AP5Z1: variants seen among roughly 807,000 people sequenced by gnomAD.
AP5Z1 encodes the protein AP-5 complex subunit zeta-1.
Under a neutral mutation model 83.0 loss-of-function variants are expected in AP5Z1, and 106 were observed. That is an observed-to-expected ratio of 1.28 (90% confidence interval 1.09 to 1.50). The LOEUF is 1.50. Among genes scored for constraint, AP5Z1 ranks in the 40% most tolerant of loss-of-function variants. AP5Z1 has a pLI of 0.00. For synonymous variants in AP5Z1, 751 were observed against 514.1 expected, an observed-to-expected ratio of 1.46 and a Z score of -6.23; for missense variants, 1,565 against 1,094.2, an observed-to-expected ratio of 1.43 and a Z score of -6.07.
chr7:4,790,909 G>A (rs575948599), intron 16 of AP5Z1, 22 bp downstream of exon 16: 80 of 1,568,996 alleles, frequency 5.1e-5, no homozygotes, highest in Non-Finnish European at 5.9e-5. Flanking sequence ...GGGAGGGAGC[G>A]AAGCCTTCTG....
intron 14 of AP5Z1, 73 bp downstream of exon 14, chr7:4,790,002 C>A (rs117029435): frequency 1.5e-5 from 15 of 1,025,910 alleles, no homozygotes; most frequent in African/African-American, 6.3e-5. Flanking sequence ...TCCCCTCCCC[C>A]CTCCCCTTCA....
rs189470121 is a variant in AP5Z1, at chr7:4,786,857, G to A, written c.1311+429G>A. Reference sequence around the variant, plus strand: ...GCAATCTCAGCTCACTGCAACCCCCGCCTCCTGGGTTCAAGCGATTCTCCT... The same window carrying A: ...GCAATCTCAGCTCACTGCAACCCCCACCTCCTGGGTTCAAGCGATTCTCCT... On this transcript the variant is annotated intron_variant, in intron 10 of 16. Transcript: ENST00000649063. Among the ~76,000 whole-genome samples, 20 of 151,998 alleles carry A rather than the reference G, an allele frequency of 1.3e-4. No individual in the cohort carries two copies. The East Asian group carries it at 1.6e-3, about 12-fold the overall frequency.
rs1359875695 is a variant in AP5Z1 at position 4,793,158 on chromosome 7, C to T, written c.*1773C>T. 6.6e-6 allele frequency: 1 copy of T among 152,338 alleles called. No homozygotes were observed. Among genetic ancestry groups the T allele is most frequent in the African/African-American group, 2.4e-5 (1 of 41,462 alleles). 9.4% of individuals were successfully genotyped at this position (152,338 alleles called of 1,614,324 possible). On this transcript the variant is annotated 3_prime_UTR_variant, in exon 17 of 17. Coordinates refer to ENST00000649063, the MANE Select transcript of AP5Z1 (RefSeq NM_014855.3). ...AGGGACAAGGAGGAGCTCATGGCCA[C>T]AGGGCCTCGGAGGGCATGACCCCAG...
chr7:4,788,307 AGGGCCAGG>A lies in AP5Z1; in HGVS notation c.1595+20_1595+27del, dbSNP rs1470203569. On this transcript the variant is annotated intron_variant, in intron 12 of 16. Coordinates refer to ENST00000649063, the MANE Select transcript of AP5Z1 (RefSeq NM_014855.3). Reference sequence around the variant, plus strand: ...GCGCCACTGAGAGGTACGGGGCCCTAGGGCCAGGGGGCCACCAGTGGCTCAGAGAGCCC... The same window carrying A: ...GCGCCACTGAGAGGTACGGGGCCCTAGGGCCACCAGTGGCTCAGAGAGCCC... 1.3e-6 allele frequency: 2 copies of A among 1,573,138 alleles called. No homozygotes were observed. Among genetic ancestry groups the A allele is most frequent in the Non-Finnish European group, 1.7e-6 (2 of 1,160,110 alleles).
intron 16 of AP5Z1, 28 bp downstream of exon 16, chr7:4,790,915 T>A: frequency 6.4e-7 from 1 of 1,558,570 alleles, no homozygotes; most frequent in East Asian, 2.4e-5. Context: ...GAGCGAAGCC[T>A]TCTGGCTCCT....
intron 9 of AP5Z1, 27 bp downstream of exon 9, chr7:4,785,711 C>G (rs1188054858): frequency 1.4e-6 from 2 of 1,453,450 alleles, no homozygotes; most frequent in African/African-American, 1.4e-5. Context: ...GTGGCGCTGA[C>G]TCGGGGCTCT....
At chr7:4,775,915 A>C (rs973476796) in intron 1 of AP5Z1, among the ~76,000 whole-genome samples, 159 bp downstream of exon 1, 2 of 152,064 alleles carry the variant, frequency 1.3e-5, no homozygotes, top group Admixed American at 6.5e-5. Flanking sequence ...CACGGCGGCC[A>C]GGCTTGGGGT....
chr7:4,788,164 G>T lies in AP5Z1; in HGVS notation c.1465G>T (p.Ala489Ser). 1 of 1,552,866 alleles carries T rather than the reference G, an allele frequency of 6.4e-7. No individual in the cohort carries two copies. The highest frequency in any genetic ancestry group is 8.7e-7 in the Non-Finnish European group (1 of 1,149,010). ...CGTCTGTCCACGCAGGTCAGCACCG[G>T]CTGCATCCGAGAGGCCACTCTGGGA... ...VLDLQLRSAP[A>S]ASERPLWDTS... Residue 489 changes from alanine to serine, a missense_variant, in exon 12 of 17, where the codon GCT (alanine) becomes TCT (serine). Transcript: ENST00000649063.
rs749709537 is a variant in AP5Z1, at chr7:4,781,760, G to A, written c.366+6G>A. 1.5e-5 allele frequency: 23 copies of A among 1,547,646 alleles called. 1 individual carries two copies. In the East Asian group the frequency reaches 1.8e-4, roughly 12 times the overall value. On this transcript the variant is annotated splice_donor_region_variant and intron_variant, in intron 3 of 16. Coordinates refer to ENST00000649063, the MANE Select transcript of AP5Z1 (RefSeq NM_014855.3). The stretch of plus-strand genomic sequence containing the variant: ...CCTCCGTTCTCTTGGCCCAGGTAGC[G>A]CAGCAGTCACCACCCCAGTTGGCAC...
At chr7:4,779,512 C>T (rs1196485016) in intron 1 of AP5Z1, among the ~76,000 whole-genome samples, 1 of 150,190 alleles carries the variant, frequency 6.7e-6, no homozygotes, top group Non-Finnish European at 1.5e-5. Flanking sequence ...CTTACTCTGT[C>T]ACCCAGGCTG....
At chr7:4,786,122 A>G (rs571549489) in intron 9 of AP5Z1, 128 bp from the exon 10 acceptor site, 9 of 957,060 alleles carry the variant, frequency 9.4e-6, no homozygotes, top group East Asian at 2.7e-5. Flanking sequence ...CCAGCGTCCC[A>G]GCGTAGGACG....
chr7:4,786,050 A>G (rs895734299), intron 9 of AP5Z1, among the ~76,000 whole-genome samples, 200 bp from the exon 10 acceptor site: 4 of 152,232 alleles, frequency 2.6e-5, no homozygotes, highest in African/African-American at 9.6e-5. Flanking sequence ...AGAATGTGCC[A>G]TAGTGTGTGT....
rs368068476 is a variant in AP5Z1 at position 4,791,110 on chromosome 7, C to T, written c.2154-5C>T. On this transcript the variant is annotated splice_polypyrimidine_tract_variant and splice_region_variant and intron_variant, in intron 16 of 16. Transcript: ENST00000649063. ...GCAGCTGACGGAGGGACCTTCTTTC[C>T]CCAGGGCCTCTTTATTGCTGTCAAA... is the stretch of plus-strand genomic sequence containing the variant. 2 of 1,579,992 alleles carry T rather than the reference C, an allele frequency of 1.3e-6. No homozygotes were observed. The highest frequency in any genetic ancestry group is 1.3e-5 in the African/African-American group (1 of 74,304).
chr7:4,781,748 G>C lies in AP5Z1; in HGVS notation c.360G>C (p.Leu120Phe). The C allele has an allele frequency of 6.4e-7, 1 of 1,563,954 alleles. No individual in the cohort carries two copies. The highest frequency in any genetic ancestry group is 8.7e-7 in the Non-Finnish European group (1 of 1,145,878). ...RQLSLVASVL[L>F]AQGDRNEEVR... ...TGAGCCTGGTGGCCTCCGTTCTCTT[G>C]GCCCAGGTAGCGCAGCAGTCACCAC... The change falls in exon 3 of 17, where the codon TTG becomes TTC. Residue 120 changes from leucine (L) to phenylalanine (F), a missense_variant. Leu to Phe is a conservative substitution (Grantham distance 22). Coordinates refer to ENST00000649063, the MANE Select transcript of AP5Z1 (RefSeq NM_014855.3).
chr7:4,786,800 C>G (rs886090465), intron 10 of AP5Z1, among the ~76,000 whole-genome samples: 2 of 151,742 alleles, frequency 1.3e-5, no homozygotes, highest in African/African-American at 4.8e-5. Context: ...GATGGAGTCT[C>G]ATTCCTGTCA....
At chr7:4,784,075 A>G (rs888019845) in intron 5 of AP5Z1, 128 bp from the exon 6 acceptor site, 20 of 1,175,206 alleles carry the variant, frequency 1.7e-5, no homozygotes, top group Non-Finnish European at 2.1e-5. Flanking sequence ...TGCATCACAC[A>G]GGGCGGGCCG....
Position 4,786,362 on chromosome 7 carries a change from G to A in AP5Z1, c.1245G>A (p.Arg415=). ...CCTTTGAATTCATCCAGTTCTGCAG[G>A]GACAACCTCCACCTGTTCAGCGGGC... The part of the protein sequence containing the change: ...MLAFEFIQFC[R]DNLHLFSGHL... Residue 415 remains arginine (R), a synonymous_variant, in exon 10 of 17, where the codon AGG becomes AGA. Coordinates refer to ENST00000649063, the MANE Select transcript of AP5Z1 (RefSeq NM_014855.3). 1 of 1,613,898 alleles carries A rather than the reference G, an allele frequency of 6.2e-7. No homozygotes were observed. The highest frequency in any genetic ancestry group is 8.5e-7 in the Non-Finnish European group (1 of 1,179,844).
intron 3 of AP5Z1, among the ~76,000 whole-genome samples, chr7:4,782,883 C>T (rs1781418720): frequency 6.6e-6 from 1 of 152,236 alleles, no homozygotes; most frequent in Non-Finnish European, 1.5e-5. Flanking sequence ...AGCCGCCCTC[C>T]TCCCTGCCCT....
chr7:4,782,627 C>T (rs914535816), intron 3 of AP5Z1, among the ~76,000 whole-genome samples: 4 of 152,222 alleles, frequency 2.6e-5, no homozygotes, highest in Admixed American at 2.0e-4. Context: ...TGGGGTCATC[C>T]TGGTTGGTGC....
Sources: allele counts gnomAD v4.1 joint callset (sites outside exome capture counted in the v4.1 genomes callset), GRCh38; gene constraint gnomAD v4.1.1; transcripts MANE v1.5; gene names NCBI Gene and HGNC (gene_info 2026-07-23, HGNC 2026-07-21).